RBFOX1: variants seen among roughly 807,000 people sequenced by gnomAD.
RBFOX1 encodes RNA binding fox-1 homolog 1.
Under a neutral mutation model 57.7 loss-of-function variants are expected in RBFOX1, and 8 were observed. The observed-to-expected ratio is 0.14, with a 90% CI of 0.08 to 0.25. RBFOX1 has a LOEUF of 0.25. Ranked by LOEUF, RBFOX1 falls within the 10% of genes least tolerant of loss-of-function variation. The probability of loss-of-function intolerance (pLI) is 1.00; values close to 1 mark genes in which losing one functional copy is unlikely to be tolerated. For synonymous variants in RBFOX1, 326 were observed against 222.4 expected, an observed-to-expected ratio of 1.47 and a Z score of -4.15; for missense variants, 611 against 548.5, an observed-to-expected ratio of 1.11 and a Z score of -1.14.
intron 4 of RBFOX1, among the ~76,000 whole-genome samples, chr16:6,004,488 C>A (rs555382280): frequency 6.6e-6 from 1 of 152,176 alleles, no homozygotes; most frequent in Non-Finnish European, 1.5e-5. Flanking sequence ...ATGCCTGATG[C>A]AATACTTGGC....
intron 4 of RBFOX1, among the ~76,000 whole-genome samples, chr16:7,374,723 CCTT>C (rs561049587): frequency 1.1e-3 from 164 of 152,272 alleles, no homozygotes; most frequent in African/African-American, 3.6e-3. Context: ...TACTCGGTCC[CCTT>C]CTTGTGCTCC....
chr16:7,654,571 G>C lies in RBFOX1; in HGVS notation c.890+624G>C, dbSNP rs1434226292. Among the ~76,000 whole-genome samples, 6 of 152,162 alleles carry C rather than the reference G, an allele frequency of 3.9e-5. No individual in the cohort carries two copies. The East Asian group carries it at 9.7e-4, about 25-fold the overall frequency. ...TTAGTTTGTTTCCCATTGCCAATTT[G>C]GTCCTTCTCTGCACAGACTTTGATA... On this transcript the variant is annotated intron_variant, in intron 12 of 15. Coordinates refer to ENST00000550418, the MANE Select transcript of RBFOX1 (RefSeq NM_018723.4).
At position 6,317,001 on chromosome 16, in the gene RBFOX1, G is replaced by A. The variant is rs1300880425; in HGVS notation, c.-120G>A. The A allele has an allele frequency of 1.3e-6, 2 of 1,535,144 alleles. No individual in the cohort carries two copies. On this transcript the variant is annotated 5_prime_UTR_variant, in exon 2 of 16. Transcript: ENST00000550418. ...TCCCCTTTTTCTTCTTTAGGAAACT[G>A]GTCAAAGAACTCATGCAAGTGGAAC...
intron 2 of RBFOX1, among the ~76,000 whole-genome samples, chr16:5,503,205 C>A (rs891032241): frequency 6.6e-6 from 1 of 152,172 alleles, no homozygotes; most frequent in Non-Finnish European, 1.5e-5. Context: ...GTGTCCTCCT[C>A]TGTGCAGTAC....
At chr16:5,853,394 C>T (rs1009544605) in intron 3 of RBFOX1, among the ~76,000 whole-genome samples, 2 of 152,080 alleles carry the variant, frequency 1.3e-5, no homozygotes, top group South Asian at 2.1e-4. Flanking sequence ...GGAGTCCTGC[C>T]CTGGGCACGG....
intron 2 of RBFOX1, among the ~76,000 whole-genome samples, chr16:6,539,870 G>A (rs2096789083): frequency 7.7e-6 from 1 of 129,690 alleles, no homozygotes; most frequent in Non-Finnish European, 1.7e-5. Context: ...CTTCCTACAA[G>A]CTGTCTTTTT....
chr16:6,794,176 C>G (rs1057292865), intron 3 of RBFOX1, among the ~76,000 whole-genome samples: 1 of 151,982 alleles, frequency 6.6e-6, no homozygotes. Flanking sequence ...CCCATCACTA[C>G]CTGGAGAAGT....
chr16:6,438,162 G>C (rs1275680630), intron 2 of RBFOX1, among the ~76,000 whole-genome samples: 2 of 152,226 alleles, frequency 1.3e-5, no homozygotes, highest in Admixed American at 1.3e-4. Flanking sequence ...AAGTTGGAAA[G>C]AAATGTTTAA....
rs1568463106 is a variant in RBFOX1, at chr16:7,687,849, T to TG, written c.995+11011_995+11012insG. Among the ~76,000 whole-genome samples the TG allele has an allele frequency of 2.0e-5, 3 of 152,054 alleles. No homozygotes were observed. In the East Asian group the frequency reaches 5.8e-4, roughly 30 times the overall value. ...GGCAAGATACATATGTTCAGAGAGG[T>TG]ATTCATACAGTGAGATGAGTTCTCC... On this transcript the variant is annotated intron_variant, in intron 14 of 15. Transcript: ENST00000550418.
chr16:6,902,219 TTG>T (rs1206811666), intron 3 of RBFOX1, among the ~76,000 whole-genome samples: 6 of 152,176 alleles, frequency 3.9e-5, no homozygotes, highest in Non-Finnish European at 8.8e-5. Flanking sequence ...TTGGAAATCA[TTG>T]TGTGGAATTA....
chr16:7,591,572 G>A (rs1567988206), intron 7 of RBFOX1, among the ~76,000 whole-genome samples: 2 of 152,158 alleles, frequency 1.3e-5, no homozygotes, highest in Non-Finnish European at 2.9e-5. Flanking sequence ...TAAGGTCCCC[G>A]TTATCTGCCC....
At chr16:5,399,454 C>G (rs472537) in intron 1 of RBFOX1, among the ~76,000 whole-genome samples, 1 of 152,248 alleles carries the variant, frequency 6.6e-6, no homozygotes, top group South Asian at 2.1e-4. Flanking sequence ...AAGAATTGCT[C>G]TTAATCACCC....
chr16:6,197,511 C>T (rs994393751), intron 1 of RBFOX1, among the ~76,000 whole-genome samples: 2 of 152,050 alleles, frequency 1.3e-5, no homozygotes, highest in Non-Finnish European at 2.9e-5. Flanking sequence ...GGTTAATTCC[C>T]ATCAACTAAC....
intron 1 of RBFOX1, among the ~76,000 whole-genome samples, chr16:6,239,729 C>T (rs1220909931): frequency 2.0e-5 from 3 of 152,084 alleles, no homozygotes; most frequent in East Asian, 1.9e-4. Context: ...GAACTCCTGA[C>T]CTCATGATCC....
intron 10 of RBFOX1, among the ~76,000 whole-genome samples, chr16:7,610,649 T>A (rs1246611543): frequency 6.6e-6 from 1 of 152,200 alleles, no homozygotes; most frequent in Admixed American, 6.5e-5. Context: ...TAGACAGAGC[T>A]CATAATATTC....
At chr16:7,406,294 G>C (rs959744203) in intron 4 of RBFOX1, among the ~76,000 whole-genome samples, 6 of 152,260 alleles carry the variant, frequency 3.9e-5, no homozygotes, top group Non-Finnish European at 7.4e-5. Context: ...TGTTCATACG[G>C]TTTCTAATCC....
intron 2 of RBFOX1, among the ~76,000 whole-genome samples, chr16:5,522,017 T>C (rs1181769338): frequency 6.6e-6 from 1 of 152,212 alleles, no homozygotes; most frequent in Non-Finnish European, 1.5e-5. Context: ...CTCATCTCTG[T>C]ATTCCCAGCA....
At chr16:6,179,367 G>A (rs577718412) in intron 1 of RBFOX1, among the ~76,000 whole-genome samples, 1 of 152,300 alleles carries the variant, frequency 6.6e-6, no homozygotes, top group South Asian at 2.1e-4. Flanking sequence ...CAGGTGGGGA[G>A]ATTGATGTTT....
chr16:7,142,249 G>C (rs2073980568), intron 4 of RBFOX1, among the ~76,000 whole-genome samples: 2 of 152,072 alleles, frequency 1.3e-5, no homozygotes, highest in South Asian at 4.1e-4. Context: ...GCCTTGATCT[G>C]CTGAGCTCAA....
Sources: allele counts gnomAD v4.1 joint callset (sites outside exome capture counted in the v4.1 genomes callset), GRCh38; gene constraint gnomAD v4.1.1; transcripts MANE v1.5; gene names NCBI Gene and HGNC (gene_info 2026-07-23, HGNC 2026-07-21).